Variants in ADCY8 observed in about 807,000 individuals in gnomAD.
ADCY8 encodes the protein adenylate cyclase 8.
ADCY8 carries 51 observed loss-of-function variants against 119.7 expected under a neutral mutation model. The observed-to-expected ratio is 0.43, with a 90% CI of 0.34 to 0.54. The LOEUF is 0.54. ADCY8 is among the 20% of genes least tolerant of loss of function. ADCY8 has a pLI of 0.03. For missense variants in ADCY8, 1,383 were observed against 1,598.8 expected, an observed-to-expected ratio of 0.87 and a Z score of 2.30; for synonymous variants, 665 against 651.0, an observed-to-expected ratio of 1.02 and a Z score of -0.33.
intron 15 of ADCY8, among the ~76,000 whole-genome samples, chr8:130,795,314 A>G (rs1815546019): frequency 1.3e-5 from 2 of 152,246 alleles, no homozygotes. Context: ...AGGACCACGC[A>G]TAGTTTGCAG....
intron 4 of ADCY8, among the ~76,000 whole-genome samples, chr8:130,942,620 G>T (rs923881073): frequency 6.6e-6 from 1 of 152,156 alleles, no homozygotes; most frequent in Non-Finnish European, 1.5e-5. Context: ...AACTCCCACC[G>T]ATGTGGTCTT....
At chr8:130,941,535 T>C (rs778375917) in intron 4 of ADCY8, among the ~76,000 whole-genome samples, 1 of 152,204 alleles carries the variant, frequency 6.6e-6, no homozygotes, top group African/African-American at 2.4e-5. Flanking sequence ...GTGTAACTGA[T>C]ACCAACCACC....
At chr8:130,916,552 A>G (rs948036170) in intron 5 of ADCY8, among the ~76,000 whole-genome samples, 1 of 152,236 alleles carries the variant, frequency 6.6e-6, no homozygotes, top group African/African-American at 2.4e-5. Context: ...AAAACTGGCC[A>G]TAAATAAAAT....
intron 2 of ADCY8, among the ~76,000 whole-genome samples, chr8:130,980,573 C>T (rs11775729): frequency 0.13 from 19,808 of 152,080 alleles, 3,035 homozygotes; most frequent in African/African-American, 0.37. Flanking sequence ...ATGGAGAGGA[C>T]GGGTAGTGTG....
chr8:130,782,461 A>G (rs193078825), intron 17 of ADCY8, among the ~76,000 whole-genome samples: 1 of 152,338 alleles, frequency 6.6e-6, no homozygotes, highest in East Asian at 1.9e-4. Flanking sequence ...CCCAAAACAC[A>G]AATTGAGATG....
At chr8:130,960,169 T>C (rs1284783222) in intron 2 of ADCY8, among the ~76,000 whole-genome samples, 1 of 152,132 alleles carries the variant, frequency 6.6e-6, no homozygotes, top group Non-Finnish European at 1.5e-5. Flanking sequence ...GAATTGGGAC[T>C]GTGAAAGAGG....
intron 5 of ADCY8, among the ~76,000 whole-genome samples, chr8:130,927,561 C>T (rs974044304): frequency 2.6e-5 from 4 of 152,086 alleles, no homozygotes; most frequent in African/African-American, 4.8e-5. Context: ...CTATCTTAAT[C>T]GTTTCTTTCG....
At chr8:130,934,955 A>T (rs1563735107) in intron 5 of ADCY8, among the ~76,000 whole-genome samples, 3 of 152,170 alleles carry the variant, frequency 2.0e-5, no homozygotes, top group Non-Finnish European at 4.4e-5. Flanking sequence ...CTTTCAGATA[A>T]ATCCCTTAAA....
intron 7 of ADCY8, among the ~76,000 whole-genome samples, chr8:130,886,872 A>G (rs1259126088): frequency 6.6e-6 from 1 of 152,114 alleles, no homozygotes; most frequent in African/African-American, 2.4e-5. Context: ...CACAGAGGAG[A>G]GAAGTTTCAA....
chr8:130,988,654 C>G (rs545039339), intron 2 of ADCY8, among the ~76,000 whole-genome samples: 9 of 152,248 alleles, frequency 5.9e-5, no homozygotes, highest in African/African-American at 2.2e-4. Context: ...CTAGTTGTCA[C>G]TTTCTCTTAC....
chr8:130,952,118 T>C, intron 2 of ADCY8, 120 bp from the exon 3 acceptor site: 5 of 1,114,482 alleles, frequency 4.5e-6, no homozygotes, highest in Non-Finnish European at 6.4e-6. Flanking sequence ...GCTAATTTCA[T>C]ACCATTCTAT....
chr8:130,785,263 A>G, intron 16 of ADCY8, 120 bp downstream of exon 16: 2 of 624,368 alleles, frequency 3.2e-6, no homozygotes, highest in Admixed American at 3.3e-5. Context: ...AATCCAGTCC[A>G]TTAGATTTTC....
intron 5 of ADCY8, among the ~76,000 whole-genome samples, chr8:130,922,454 A>G (rs1405642386): frequency 6.6e-6 from 1 of 152,122 alleles, no homozygotes; most frequent in Non-Finnish European, 1.5e-5. Flanking sequence ...AACAAAGCAC[A>G]TCTTGCACCG....
chr8:130,896,719 T>C (rs1819402969), intron 7 of ADCY8, among the ~76,000 whole-genome samples: 2 of 152,162 alleles, frequency 1.3e-5, no homozygotes, highest in African/African-American at 2.4e-5. Flanking sequence ...AATTTTTTTT[T>C]CTTTAACTCC....
chr8:130,782,375 C>T (rs1463144171), intron 17 of ADCY8, among the ~76,000 whole-genome samples: 2 of 152,108 alleles, frequency 1.3e-5, no homozygotes, highest in Non-Finnish European at 2.9e-5. Context: ...ATTTAACACC[C>T]AGCTTACATA....
intron 2 of ADCY8, among the ~76,000 whole-genome samples, chr8:130,975,775 CTA>C (rs1425488991): frequency 1.6e-4 from 25 of 152,246 alleles, no homozygotes; most frequent in African/African-American, 6.0e-4. Context: ...ATTAAGTTGT[CTA>C]TAAATACAGT....
At chr8:130,832,740 T>C (rs1435444264) in intron 12 of ADCY8, among the ~76,000 whole-genome samples, 1 of 152,182 alleles carries the variant, frequency 6.6e-6, no homozygotes, top group African/African-American at 2.4e-5. Context: ...TTACAAACTC[T>C]TCCTGAAGAC....
intron 5 of ADCY8, among the ~76,000 whole-genome samples, chr8:130,914,056 T>G (rs1004292700): frequency 2.0e-5 from 3 of 152,242 alleles, no homozygotes; most frequent in African/African-American, 7.2e-5. Context: ...CTACTATTTA[T>G]GAAGGAATTG....
intron 2 of ADCY8, among the ~76,000 whole-genome samples, chr8:130,972,125 G>A (rs190418108): frequency 6.6e-6 from 1 of 152,172 alleles, no homozygotes; most frequent in Admixed American, 6.5e-5. Flanking sequence ...CAAGGAGGAG[G>A]GAATACATTA....
Sources: allele counts gnomAD v4.1 joint callset (sites outside exome capture counted in the v4.1 genomes callset), GRCh38; gene constraint gnomAD v4.1.1; transcripts MANE v1.5; gene names NCBI Gene and HGNC (gene_info 2026-07-23, HGNC 2026-07-21).